Variants in CEP70 observed in about 807,000 individuals in gnomAD.
The protein encoded by CEP70 is centrosomal protein 70.
CEP70 carries 70 observed loss-of-function variants against 90.9 expected under a neutral mutation model. The ratio of observed to expected loss-of-function variants is 0.77; its 90% CI spans 0.64 to 0.94. The LOEUF (loss-of-function observed/expected upper bound fraction) is 0.94, where lower values mean the gene tolerates loss of function less well. CEP70 is among the 40% of genes least tolerant of loss of function. CEP70 has a pLI of 0.00. For synonymous variants in CEP70, 220 were observed against 228.3 expected (o/e 0.96, Z 0.33); for missense variants, 648 against 669.0 (o/e 0.97, Z 0.35).
intron 11 of CEP70, among the ~76,000 whole-genome samples, chr3:138,515,720 ACTAT>A (rs965248172): frequency 2.1e-4 from 32 of 152,252 alleles, no homozygotes; most frequent in East Asian, 7.7e-4. Context: ...AATAATGAAG[ACTAT>A]CTATCTCTAC....
In CEP70 at chr3:138,591,948, G is replaced by C. The variant is rs2042403998; in HGVS notation, c.-100C>G. On this transcript the variant is annotated 5_prime_UTR_variant, in exon 2 of 18. In the 5' UTR this introduces an upstream ATG that the reference lacks. Transcript: ENST00000264982. Reference sequence around the variant, plus strand: ...CCAACGAGTCTCATGTCTGAAACTGGATCTTCATCTAGGTTTCAAAAAGAT... The same window carrying C: ...CCAACGAGTCTCATGTCTGAAACTGCATCTTCATCTAGGTTTCAAAAAGAT... The C allele has an allele frequency of 7.0e-6, 7 of 999,024 alleles. No homozygotes were observed. The highest frequency in any genetic ancestry group is 3.5e-5 in the South Asian group (2 of 57,100). 61.9% of individuals were successfully genotyped at this position (999,024 alleles called of 1,614,324 possible).
At chr3:138,547,307 C>T (rs552526843) in intron 6 of CEP70, among the ~76,000 whole-genome samples, 5 of 152,284 alleles carry the variant, frequency 3.3e-5, no homozygotes, top group South Asian at 2.1e-4. Flanking sequence ...TCAGTGGATG[C>T]GCAAAACTTC....
rs1336318605 is a variant in CEP70 at position 138,494,568 on chromosome 3, C to T, written c.*447G>A. 6.5e-6 allele frequency: 1 copy of T among 153,572 alleles called. No individual in the cohort carries two copies. Among genetic ancestry groups the T allele is most frequent in the East Asian group, 1.9e-4 (1 of 5,226 alleles). 9.5% of individuals were successfully genotyped at this position (153,572 alleles called of 1,614,324 possible). ...GCAACTGTCATGAGGGATATCTTAA[C>T]AGAATGTGCCAATTAATCCTTGCCA... On this transcript the variant is annotated 3_prime_UTR_variant, in exon 18 of 18. Coordinates refer to ENST00000264982, the MANE Select transcript of CEP70 (RefSeq NM_024491.4).
chr3:138,586,570 C>A (rs2042116029), intron 2 of CEP70, among the ~76,000 whole-genome samples: 1 of 151,948 alleles, frequency 6.6e-6, no homozygotes, highest in Non-Finnish European at 1.5e-5. Flanking sequence ...TGAAATAAGC[C>A]AGGCACAGAA....
intron 2 of CEP70, among the ~76,000 whole-genome samples, chr3:138,573,984 C>T (rs1024515860): frequency 1.3e-4 from 19 of 151,982 alleles, no homozygotes; most frequent in Admixed American, 7.9e-4. Context: ...TCCAAGATGG[C>T]CAAATATGAA....
Position 138,529,443 on chromosome 3 carries a change from T to C in CEP70, c.712A>G (p.Ser238Gly), listed in dbSNP as rs1471370273. 1 of 1,605,520 alleles carries C rather than the reference T, an allele frequency of 6.2e-7. No individual in the cohort carries two copies. Among genetic ancestry groups the C allele is most frequent in the Admixed American group, 1.7e-5 (1 of 59,292 alleles). ...HTQRQYKEDE[S>G]QSEEENDYRN... ...TAGTCGTTTTCTTCTTCTGACTGAC[T>C]TTCATCTTCTTTATATTGCCTATGA... The change falls in exon 9 of 18, where the codon AGT becomes GGT. Residue 238 changes from serine to glycine, a missense_variant. By Grantham distance (56) the Ser-to-Gly change is moderately conservative. Transcript: ENST00000264982.
intron 12 of CEP70, among the ~76,000 whole-genome samples, chr3:138,506,840 C>T (rs1478303902): frequency 1.3e-5 from 2 of 152,130 alleles, no homozygotes; most frequent in African/African-American, 2.4e-5. Flanking sequence ...TTCCTGGGCT[C>T]AAGTGATCTT....
At chr3:138,561,248 C>A (rs978948331) in intron 6 of CEP70, among the ~76,000 whole-genome samples, 1 of 152,046 alleles carries the variant, frequency 6.6e-6, no homozygotes, top group African/African-American at 2.4e-5. Flanking sequence ...CCCAGGCAAA[C>A]GGGGTCTGGA....
chr3:138,556,799 A>G (rs2040043946), intron 6 of CEP70, among the ~76,000 whole-genome samples: 1 of 152,160 alleles, frequency 6.6e-6, no homozygotes, highest in Non-Finnish European at 1.5e-5. Flanking sequence ...GAGATCACGT[A>G]CTTCACAAGG....
intron 2 of CEP70, among the ~76,000 whole-genome samples, chr3:138,578,352 G>C (rs1460025920): frequency 6.6e-6 from 1 of 152,178 alleles, no homozygotes; most frequent in Non-Finnish European, 1.5e-5. Context: ...GTGTCTGATG[G>C]TTATGAGAAT....
chr3:138,574,712 C>T (rs1256716792), intron 2 of CEP70, among the ~76,000 whole-genome samples: 7 of 152,174 alleles, frequency 4.6e-5, no homozygotes, highest in Non-Finnish European at 2.9e-5. Context: ...ACACCTCATA[C>T]AGCCAGGTGC....
At chr3:138,571,858 A>G (rs567419128) in intron 3 of CEP70, among the ~76,000 whole-genome samples, 2 of 152,192 alleles carry the variant, frequency 1.3e-5, no homozygotes, top group South Asian at 4.1e-4. Context: ...GGCTCACTGC[A>G]AGCTCTGCCT....
At chr3:138,542,191 C>T (rs1010155827) in intron 6 of CEP70, among the ~76,000 whole-genome samples, 5 of 152,320 alleles carry the variant, frequency 3.3e-5, no homozygotes, top group Non-Finnish European at 7.4e-5. Flanking sequence ...TGCAGTGAGG[C>T]AGGCAGCTCC....
chr3:138,506,037 A>G (rs968074741), intron 12 of CEP70, among the ~76,000 whole-genome samples: 1 of 152,236 alleles, frequency 6.6e-6, no homozygotes. Context: ...AAAAATTGTT[A>G]GTATTTTGCC....
intron 6 of CEP70, among the ~76,000 whole-genome samples, chr3:138,538,518 A>AT (rs1239731802): frequency 6.6e-6 from 1 of 152,214 alleles, no homozygotes; most frequent in East Asian, 1.9e-4. Context: ...AATTGTAAAG[A>AT]ACCTCTATGT....
chr3:138,566,042 A>C (rs1297260941), intron 6 of CEP70, among the ~76,000 whole-genome samples: 2 of 152,380 alleles, frequency 1.3e-5, no homozygotes, highest in South Asian at 2.1e-4. Flanking sequence ...TGTCAAAAGA[A>C]GACATTTATG....
At chr3:138,543,817 A>C (rs1324770838) in intron 6 of CEP70, among the ~76,000 whole-genome samples, 1 of 152,166 alleles carries the variant, frequency 6.6e-6, no homozygotes, top group Non-Finnish European at 1.5e-5. Context: ...AAAAAGAAAA[A>C]ACAAAAACAA....
intron 6 of CEP70, among the ~76,000 whole-genome samples, chr3:138,537,704 T>C (rs1032869914): frequency 1.3e-5 from 2 of 152,144 alleles, no homozygotes; most frequent in Admixed American, 6.5e-5. Flanking sequence ...AATTGGGGAT[T>C]GCAAATGGTG....
chr3:138,553,354 C>T (rs1196418551), intron 6 of CEP70, among the ~76,000 whole-genome samples: 2 of 152,028 alleles, frequency 1.3e-5, no homozygotes, highest in African/African-American at 4.8e-5. Context: ...GCAGCGGGTG[C>T]CTATAGTCCC....
Sources: gnomAD v4.1 joint callset for allele counts (sites outside exome capture counted in the v4.1 genomes callset) on GRCh38, gnomAD v4.1.1 for gene constraint, MANE v1.5 for transcripts, NCBI Gene and HGNC (gene_info 2026-07-23, HGNC 2026-07-21) for gene names.